RYR2: variants seen among roughly 807,000 people sequenced by gnomAD.
RYR2 encodes ryanodine receptor 2.
A neutral mutation model predicts 601.1 loss-of-function variants in RYR2; 227 were observed. The observed-to-expected ratio is 0.38, with a 90% CI of 0.34 to 0.42. The LOEUF is 0.42. Ranked by LOEUF, RYR2 falls within the 10% of genes least tolerant of loss-of-function variation. The probability of loss-of-function intolerance (pLI) is 1.00; values close to 1 mark genes in which losing one functional copy is unlikely to be tolerated. For synonymous variants in RYR2, 2,223 were observed against 2,175.1 expected, an observed-to-expected ratio of 1.02 and a Z score of -0.61; for missense variants, 4,646 against 6,156.5, an observed-to-expected ratio of 0.75 and a Z score of 8.21.
chr1:237,466,239 C>T (rs761106653), intron 16 of RYR2, among the ~76,000 whole-genome samples: 5 of 152,144 alleles, frequency 3.3e-5, no homozygotes, highest in East Asian at 3.9e-4. Flanking sequence ...TATCATGGCT[C>T]ATGGTAGCCT....
chr1:237,791,413 T>C lies in RYR2; in HGVS notation c.13477-16T>C, dbSNP rs1403982434. ...TGTTGATTCAGTGACCTTTTCATAA[T>C]GTTTTTCACCCTCAGAACTATTTTG... On this transcript the variant is annotated splice_polypyrimidine_tract_variant and intron_variant, in intron 92 of 104. Coordinates refer to ENST00000366574, the MANE Select transcript of RYR2 (RefSeq NM_001035.3). 7.0e-7 allele frequency: 1 copy of C among 1,432,512 alleles called. No individual in the cohort carries two copies. Among genetic ancestry groups the C allele is most frequent in the East Asian group, 2.3e-5 (1 of 42,680 alleles). 88.7% of individuals were successfully genotyped at this position (1,432,512 alleles called of 1,614,324 possible).
intron 5 of RYR2, among the ~76,000 whole-genome samples, chr1:237,367,192 C>T (rs1400175700): frequency 1.3e-5 from 2 of 152,122 alleles, no homozygotes; most frequent in African/African-American, 4.8e-5. Context: ...CTCCCGGGTT[C>T]AAGCCATTCT....
intron 2 of RYR2, among the ~76,000 whole-genome samples, chr1:237,300,407 A>G (rs1400371279): frequency 1.3e-5 from 2 of 152,130 alleles, no homozygotes; most frequent in African/African-American, 4.8e-5. Context: ...TAACATGGCT[A>G]TCTTGGGACT....
chr1:237,783,931 T>C lies in RYR2; in HGVS notation c.12219T>C (p.Asp4073=), dbSNP rs1442422047. 3 of 1,613,482 alleles carry C rather than the reference T, an allele frequency of 1.9e-6. No individual in the cohort carries two copies. The highest frequency in any genetic ancestry group is 2.5e-6 in the Non-Finnish European group (3 of 1,179,682). The change falls in exon 90 of 105, where the codon GAT becomes GAC. Residue 4073 remains aspartate (D), a synonymous_variant. Transcript: ENST00000366574. ...TTCTTTTGTCTTGTGCGGAGACGGA[T>C]GAGAATGAAACCCTCGACTACGAAG... The part of the protein sequence containing the change: ...TEFLLSCAET[D]ENETLDYEEF...
intron 77 of RYR2, among the ~76,000 whole-genome samples, chr1:237,731,512 G>A (rs75237918): frequency 0.014 from 2,172 of 152,128 alleles, 44 homozygotes; most frequent in African/African-American, 0.044. Context: ...ACTGCTATGG[G>A]AACTAAATTT....
intron 1 of RYR2, among the ~76,000 whole-genome samples, chr1:237,235,824 G>A (rs191361535): frequency 6.6e-6 from 1 of 152,312 alleles, no homozygotes; most frequent in African/African-American, 2.4e-5. Flanking sequence ...GGTGTAGGGT[G>A]CAGATGTGGC....
At chr1:237,059,734 G>A (rs1272039501) in intron 1 of RYR2, among the ~76,000 whole-genome samples, 1 of 152,056 alleles carries the variant, frequency 6.6e-6, no homozygotes, top group Non-Finnish European at 1.5e-5. Flanking sequence ...CTACATGATC[G>A]GCTTTGTGGT....
At chr1:237,136,753 C>T (rs1371570091) in intron 1 of RYR2, among the ~76,000 whole-genome samples, 5 of 152,062 alleles carry the variant, frequency 3.3e-5, no homozygotes, top group South Asian at 2.1e-4. Context: ...TGGTGGCTTA[C>T]GCCTGTAATC....
At position 237,723,238 on chromosome 1, in the gene RYR2, A is replaced by T. The variant is rs764666057; in HGVS notation, c.10665A>T (p.Ala3555=). The T allele has an allele frequency of 2.2e-5, 35 of 1,612,142 alleles. No individual in the cohort carries two copies. In the South Asian group the frequency reaches 3.2e-4, roughly 15 times the overall value. Residue 3555 remains alanine, a synonymous_variant, in exon 74 of 105, where the codon GCA becomes GCT. Transcript: ENST00000366574. ...CGGTAGAAAGAGTATTGGATATAGCAAATGTGCTTTTTCATCTTGAACAGG... is the reference window on the plus strand; with the variant it reads ...CGGTAGAAAGAGTATTGGATATAGCTAATGTGCTTTTTCATCTTGAACAGG... ...EKTVERVLDI[A]NVLFHLEQKS... is the part of the protein sequence containing the mutation.
chr1:237,537,540 C>T (rs111629676), intron 25 of RYR2, among the ~76,000 whole-genome samples: 31,135 of 152,074 alleles, frequency 0.2, 3,256 homozygotes, highest in South Asian at 0.35. Context: ...GTCTTGAGCT[C>T]CTGACCTCAG....
chr1:237,378,788 C>T (rs1701228011), intron 8 of RYR2, among the ~76,000 whole-genome samples: 1 of 152,136 alleles, frequency 6.6e-6, no homozygotes, highest in South Asian at 2.1e-4. Context: ...TGAAACATTT[C>T]TAGGAAGATT....
At chr1:237,265,483 G>A (rs548691081) in intron 1 of RYR2, among the ~76,000 whole-genome samples, 6 of 151,850 alleles carry the variant, frequency 4.0e-5, no homozygotes, top group Middle Eastern at 3.4e-3. Context: ...TACCACACCC[G>A]GCTAATTTTT....
At chr1:237,086,864 T>C (rs1024962640) in intron 1 of RYR2, among the ~76,000 whole-genome samples, 2 of 152,190 alleles carry the variant, frequency 1.3e-5, no homozygotes, top group African/African-American at 2.4e-5. Context: ...GTCAAACTTA[T>C]GCTTTTAAAT....
At position 237,491,934 on chromosome 1, in the gene RYR2, CTA is replaced by C. The variant is rs1663394313; in HGVS notation, c.1827+12_1827+13del. Reference sequence around the variant, plus strand: ...TGGAAGAAATCACAAGGTAAATGAACTATTTTATTTCCCTGAATGAATTCTCA... The same window carrying C: ...TGGAAGAAATCACAAGGTAAATGAACTTTTATTTCCCTGAATGAATTCTCA... On this transcript the variant is annotated intron_variant, in intron 18 of 104. Transcript: ENST00000366574. 2.8e-6 allele frequency: 3 copies of C among 1,062,306 alleles called. No individual in the cohort carries two copies. The East Asian group carries it at 7.8e-5, about 28-fold the overall frequency. 65.8% of individuals were successfully genotyped at this position (1,062,306 alleles called of 1,614,324 possible).
In RYR2 at chr1:237,428,757, T is replaced by TA. The variant is rs56723155; in HGVS notation, c.1005+5522dup. On this transcript the variant is annotated intron_variant, in intron 12 of 104. Coordinates refer to ENST00000366574, the MANE Select transcript of RYR2 (RefSeq NM_001035.3). ...ATTCTGCACATGTATCCTGGAACATTAAAAAAAAAAAAATACAAGTCACTG... is the reference window on the plus strand; with the variant it reads ...ATTCTGCACATGTATCCTGGAACATTAAAAAAAAAAAAAATACAAGTCACTG... Among the ~76,000 whole-genome samples, 774 of 146,806 alleles carry TA rather than the reference T, an allele frequency of 5.3e-3. 13 individuals carry two copies. The highest frequency in any genetic ancestry group is 0.018 in the African/African-American group (729 of 39,848).
intron 35 of RYR2, among the ~76,000 whole-genome samples, chr1:237,604,313 T>C (rs1211733008): frequency 1.3e-5 from 2 of 152,200 alleles, no homozygotes; most frequent in Non-Finnish European, 2.9e-5. Context: ...AACCTGCTCC[T>C]GAATGACTAT....
chr1:237,708,845 T>A lies in RYR2; in HGVS notation c.9902-13T>A, dbSNP rs768012802. 6.2e-7 allele frequency: 1 copy of A among 1,602,734 alleles called. No individual in the cohort carries two copies. The highest frequency in any genetic ancestry group is 8.5e-7 in the Non-Finnish European group (1 of 1,171,672). On this transcript the variant is annotated splice_polypyrimidine_tract_variant and intron_variant, in intron 68 of 104. Transcript: ENST00000366574. Reference sequence around the variant, plus strand: ...TTTTACAGAGCAGAATACTAATGTCTGTCTTTAAACAGTGTTTTCCCAGCC... The same window carrying A: ...TTTTACAGAGCAGAATACTAATGTCAGTCTTTAAACAGTGTTTTCCCAGCC...
chr1:237,356,790 TCTC>T (rs773471621), intron 4 of RYR2, among the ~76,000 whole-genome samples: 29 of 152,126 alleles, frequency 1.9e-4, no homozygotes, highest in Non-Finnish European at 3.7e-4. Flanking sequence ...GAAATTAAAG[TCTC>T]CTCAAGACTG....
chr1:237,063,320 T>C (rs570002837), intron 1 of RYR2, among the ~76,000 whole-genome samples: 1 of 152,322 alleles, frequency 6.6e-6, no homozygotes, highest in Non-Finnish European at 1.5e-5. Context: ...CAGTTTGAAC[T>C]ATGATATTTA....
Sources: allele counts gnomAD v4.1 joint callset (sites outside exome capture counted in the v4.1 genomes callset), GRCh38; gene constraint gnomAD v4.1.1; transcripts MANE v1.5; gene names NCBI Gene and HGNC (gene_info 2026-07-23, HGNC 2026-07-21).